LCORL: variants seen among roughly 807,000 people sequenced by gnomAD.
LCORL encodes ligand-dependent nuclear receptor corepressor-like protein.
Under a neutral mutation model 141.8 loss-of-function variants are expected in LCORL, and 41 were observed. The observed-to-expected ratio is 0.29, with a 90% CI of 0.23 to 0.38. The LOEUF is 0.38. LCORL is among the 10% of genes least tolerant of loss of function. LCORL has a pLI of 1.00. For synonymous variants in LCORL, 618 were observed against 694.1 expected, an observed-to-expected ratio of 0.89 and a Z score of 1.72; for missense variants, 1,759 against 2,035.0, an observed-to-expected ratio of 0.86 and a Z score of 2.61.
intron 1 of LCORL, among the ~76,000 whole-genome samples, chr4:18,010,383 T>C (rs1431302905): frequency 2.0e-5 from 3 of 148,144 alleles, no homozygotes; most frequent in African/African-American, 2.6e-5. Context: ...GGTACATATA[T>C]ATATGTGTGT....
intron 4 of LCORL, among the ~76,000 whole-genome samples, chr4:17,941,913 C>T (rs1490443989): frequency 6.6e-6 from 1 of 150,630 alleles, no homozygotes; most frequent in Non-Finnish European, 1.5e-5. Context: ...TCATAAATCT[C>T]TGAACCATCA....
chr4:17,943,146 ACC>A (rs1738248487), intron 4 of LCORL, among the ~76,000 whole-genome samples: 1 of 152,088 alleles, frequency 6.6e-6, no homozygotes, highest in African/African-American at 2.4e-5. Context: ...CAGTTTCAAC[ACC>A]CCTGAGATGA....
intron 4 of LCORL, among the ~76,000 whole-genome samples, chr4:17,923,994 T>G (rs1734715484): frequency 6.6e-6 from 1 of 151,728 alleles, no homozygotes; most frequent in African/African-American, 2.4e-5. Context: ...GCAGTGCAAC[T>G]CGTTGTGCAC....
intron 4 of LCORL, among the ~76,000 whole-genome samples, chr4:17,924,331 A>G (rs374879017): frequency 2.0e-5 from 3 of 152,194 alleles, no homozygotes; most frequent in East Asian, 3.9e-4. Context: ...GCCCACGAAC[A>G]AAGTGACCAT....
chr4:17,883,368 C>G, intron 6 of LCORL: 1 of 1,024,672 alleles, frequency 9.8e-7, no homozygotes, highest in Non-Finnish European at 1.2e-6. Context: ...GGTCTTTCAC[C>G]AATAAAAATG....
chr4:17,954,722 G>A (rs934135967), intron 4 of LCORL, among the ~76,000 whole-genome samples: 1 of 152,104 alleles, frequency 6.6e-6, no homozygotes, highest in Non-Finnish European at 1.5e-5. Context: ...AGATTTGAAG[G>A]TACAGACTTG....
chr4:17,955,920 A>ATACAT, intron 4 of LCORL, among the ~76,000 whole-genome samples: 1 of 152,252 alleles, frequency 6.6e-6, no homozygotes, highest in Non-Finnish European at 1.5e-5. Context: ...GGTGTGGTCT[A>ATACAT]TACATTGAAG....
At chr4:17,856,382 C>T (rs1011570115) in intron 7 of LCORL, among the ~76,000 whole-genome samples, 5 of 152,128 alleles carry the variant, frequency 3.3e-5, no homozygotes, top group Admixed American at 3.3e-4. Context: ...GGAAGGGGTA[C>T]CAGAGGGTCC....
intron 4 of LCORL, among the ~76,000 whole-genome samples, chr4:17,914,920 C>T (rs1733151640): frequency 6.6e-6 from 1 of 152,214 alleles, no homozygotes; most frequent in South Asian, 2.1e-4. Flanking sequence ...CCCTCTTAGC[C>T]TCCATGTTGT....
intron 5 of LCORL, among the ~76,000 whole-genome samples, chr4:17,891,276 G>C (rs1190272123): frequency 4.6e-5 from 7 of 152,212 alleles, no homozygotes; most frequent in African/African-American, 1.7e-4. Flanking sequence ...TTGAGAGGCT[G>C]AGACGGAAGA....
At chr4:17,874,618 C>T (rs947866632) in exon 7 of LCORL, 4 of 1,233,596 alleles carry the variant, frequency 3.2e-6, no homozygotes, top group Non-Finnish European at 4.0e-6. Context: ...CAATTTTCAG[C>T]TTCATCTCCA....
intron 1 of LCORL, among the ~76,000 whole-genome samples, chr4:17,987,008 A>G (rs949169395): frequency 1.3e-5 from 2 of 152,022 alleles, no homozygotes; most frequent in African/African-American, 2.4e-5. Context: ...AAAATTTTTG[A>G]AAGTCAAAAA....
chr4:17,928,878 A>G (rs1230871633), intron 4 of LCORL, among the ~76,000 whole-genome samples: 1 of 152,206 alleles, frequency 6.6e-6, no homozygotes, highest in Non-Finnish European at 1.5e-5. Flanking sequence ...ATTTGCATAT[A>G]ATCTTATATA....
intron 4 of LCORL, among the ~76,000 whole-genome samples, chr4:17,915,072 T>TC (rs1301586619): frequency 2.0e-5 from 3 of 152,092 alleles, no homozygotes; most frequent in Non-Finnish European, 4.4e-5. Flanking sequence ...GCCCCTCTTC[T>TC]CCCCTCCTTT....
chr4:17,926,491 G>A (rs1198059089), intron 4 of LCORL, among the ~76,000 whole-genome samples: 1 of 152,182 alleles, frequency 6.6e-6, no homozygotes, highest in Non-Finnish European at 1.5e-5. Context: ...TACACCAATG[G>A]TTTGACAGGG....
exon 8 of LCORL, chr4:17,845,603 G>A: frequency 3.3e-6 from 2 of 603,096 alleles, no homozygotes; most frequent in Non-Finnish European, 5.4e-6. Context: ...TAATGCTAAT[G>A]ATTTAATATA....
intron 4 of LCORL, among the ~76,000 whole-genome samples, chr4:17,946,466 T>A (rs12503997): frequency 0.24 from 37,009 of 151,892 alleles, 5,868 homozygotes; most frequent in African/African-American, 0.45. Flanking sequence ...CAAGTATGTA[T>A]CCCATGTTGA....
intron 5 of LCORL, among the ~76,000 whole-genome samples, chr4:17,902,318 C>G (rs1029251059): frequency 4.6e-5 from 7 of 152,038 alleles, no homozygotes; most frequent in African/African-American, 1.7e-4. Flanking sequence ...TCCCTGCAGT[C>G]AGAGGAGGTT....
intron 7 of LCORL, among the ~76,000 whole-genome samples, chr4:17,866,161 C>A (rs1249960689): frequency 1.3e-5 from 2 of 152,150 alleles, no homozygotes; most frequent in African/African-American, 4.8e-5. Flanking sequence ...GAATCCCACA[C>A]CTCAGCATTT....
Sources: gnomAD v4.1 joint callset for allele counts (sites outside exome capture counted in the v4.1 genomes callset) on GRCh38, gnomAD v4.1.1 for gene constraint, MANE v1.5 for transcripts, NCBI Gene and HGNC (gene_info 2026-07-23, HGNC 2026-07-21) for gene names.